Variants in CYYR1 observed in about 807,000 individuals in gnomAD.
CYYR1 encodes the protein cysteine and tyrosine rich 1.
In CYYR1, 14 loss-of-function variants were observed where a neutral mutation model predicts 15.2. The ratio of observed to expected loss-of-function variants is 0.92; its 90% CI spans 0.61 to 1.44. CYYR1 has a LOEUF of 1.44. Ranked by LOEUF, CYYR1 falls within the 40% of genes most tolerant of loss-of-function variation. The pLI is 0.00. For synonymous variants in CYYR1, 80 were observed against 77.4 expected (o/e 1.03, Z -0.18); for missense variants, 228 against 209.5 (o/e 1.09, Z -0.54).
chr21:26,475,281 G>C (rs1388972136), intron 3 of CYYR1, among the ~76,000 whole-genome samples: 1 of 151,782 alleles, frequency 6.6e-6, no homozygotes, highest in African/African-American at 2.4e-5. Flanking sequence ...ATTTCACTGA[G>C]AAAATTGGCA....
intron 2 of CYYR1, chr21:26,551,752 G>T (rs987940076): frequency 9.7e-6 from 2 of 207,024 alleles, no homozygotes; most frequent in Admixed American, 5.6e-5. Flanking sequence ...TCTATTCCTG[G>T]TGAAAATGCT....
chr21:26,566,236 T>C, intron 2 of CYYR1, 30 bp downstream of exon 2: 1 of 1,497,878 alleles, frequency 6.7e-7, no homozygotes, highest in Non-Finnish European at 9.3e-7. Context: ...AGGAAGAGCA[T>C]CAGTATTGCC....
At chr21:26,555,230 A>T (rs928387192) in intron 2 of CYYR1, among the ~76,000 whole-genome samples, 6 of 152,192 alleles carry the variant, frequency 3.9e-5, no homozygotes, top group African/African-American at 1.4e-4. Flanking sequence ...ATAAGAATGA[A>T]TATTACTTGA....
At chr21:26,509,940 G>C (rs951810) in intron 2 of CYYR1, among the ~76,000 whole-genome samples, 33,374 of 152,056 alleles carry the variant, frequency 0.22, 3,830 homozygotes, top group Admixed American at 0.28. Flanking sequence ...GGTTTACACA[G>C]CAACCAACTC....
In CYYR1 at chr21:26,566,314, G is replaced by A; in HGVS notation, c.128C>T (p.Thr43Ile). ...KDCKSYCCDGTTPYCCSYYAY... is the reference protein window; with the variant it reads ...KDCKSYCCDGITPYCCSYYAY... ...GTAGTAGGAGCAACAGTAGGGCGTG[G>A]TTCCATCACAGCAGTAAGATTTGCA... The change falls in exon 2 of 4, where the codon ACC (threonine) becomes ATC (isoleucine). Residue 43 changes from threonine (T) to isoleucine (I), a missense_variant. By Grantham distance (89) the Thr-to-Ile change is moderately conservative (BLOSUM62 -1). Coordinates refer to ENST00000652641, the MANE Select transcript of CYYR1 (RefSeq NM_001320768.2). The A allele has an allele frequency of 6.2e-7, 1 of 1,613,916 alleles. No homozygotes were observed. Among genetic ancestry groups the A allele is most frequent in the East Asian group, 2.2e-5 (1 of 44,858 alleles).
At chr21:26,520,173 C>T (rs117299874) in intron 2 of CYYR1, among the ~76,000 whole-genome samples, 2,551 of 141,670 alleles carry the variant, frequency 0.018, 35 homozygotes, top group African/African-American at 0.034. Context: ...CACAGGTATC[C>T]GTGTGCCATG....
At chr21:26,545,567 CTTTTTTTTTTTTTT>C (rs770885517) in intron 2 of CYYR1, among the ~76,000 whole-genome samples, 6 of 73,744 alleles carry the variant, frequency 8.1e-5, no homozygotes, top group East Asian at 9.7e-4. Flanking sequence ...GATGCTTATT[CTTTTTTTTTTTTTT>C]TTTTTTTTTT....
chr21:26,558,779 C>T (rs987649800), intron 2 of CYYR1, among the ~76,000 whole-genome samples: 2 of 152,128 alleles, frequency 1.3e-5, no homozygotes, highest in Non-Finnish European at 2.9e-5. Context: ...CAGCATTATT[C>T]GTTTTGAGAT....
intron 1 of CYYR1, among the ~76,000 whole-genome samples, chr21:26,567,479 A>G (rs893034618): frequency 1.1e-4 from 16 of 152,322 alleles, no homozygotes; most frequent in South Asian, 2.1e-4. Context: ...CTAGCTTTTA[A>G]GTATTCTTTA....
chr21:26,551,754 GA>G, intron 2 of CYYR1: 1 of 210,890 alleles, frequency 4.7e-6, no homozygotes, highest in Non-Finnish European at 9.5e-6. Context: ...TATTCCTGGT[GA>G]AAATGCTGTG....
intron 2 of CYYR1, among the ~76,000 whole-genome samples, chr21:26,483,010 TTCC>T (rs1005958709): frequency 7.2e-5 from 11 of 152,112 alleles, no homozygotes; most frequent in Admixed American, 6.6e-4. Context: ...TTCTGTATTC[TTCC>T]TTCTGGAAAC....
At chr21:26,560,892 CTG>C (rs1401408664) in intron 2 of CYYR1, among the ~76,000 whole-genome samples, 1 of 152,168 alleles carries the variant, frequency 6.6e-6, no homozygotes, top group Non-Finnish European at 1.5e-5. Flanking sequence ...TCACTAAAAA[CTG>C]TACATAGCTG....
chr21:26,511,127 C>A (rs1443094722), intron 2 of CYYR1, among the ~76,000 whole-genome samples: 1 of 152,164 alleles, frequency 6.6e-6, no homozygotes, highest in Non-Finnish European at 1.5e-5. Context: ...TTGTGTGTAT[C>A]CATATGTGAT....
intron 2 of CYYR1, among the ~76,000 whole-genome samples, chr21:26,497,600 C>A (rs2065425079): frequency 6.6e-6 from 1 of 152,042 alleles, no homozygotes; most frequent in South Asian, 2.1e-4. Context: ...GCACATGGGG[C>A]TAAGAAATAT....
In CYYR1 at chr21:26,468,520, G is replaced by A. The variant is rs1304392835; in HGVS notation, c.449C>T (p.Pro150Leu). Residue 150 changes from proline (P) to leucine (L), a missense_variant, in exon 4 of 4, where the codon CCT becomes CTT. Physicochemically the swap from Pro to Leu is moderately conservative, Grantham distance 98. Transcript: ENST00000652641. ...PAQRSPPPPYPGNARK is the reference protein window; with the variant it reads ...PAQRSPPPPYLGNARK Reference sequence around the variant, plus strand: ...GATAGATTATTTCCTTGCGTTTCCAGGATAAGGAGGGGGTGGAGAACGCTG... The same window carrying A: ...GATAGATTATTTCCTTGCGTTTCCAAGATAAGGAGGGGGTGGAGAACGCTG... 6.3e-7 allele frequency: 1 copy of A among 1,596,576 alleles called. No homozygotes were observed. Among genetic ancestry groups the A allele is most frequent in the Non-Finnish European group, 8.6e-7 (1 of 1,164,062 alleles).
chr21:26,497,106 A>C (rs772703958), intron 2 of CYYR1, among the ~76,000 whole-genome samples: 11 of 152,080 alleles, frequency 7.2e-5, no homozygotes, highest in Non-Finnish European at 1.3e-4. Context: ...AAGTTTTAAA[A>C]TTTTCTTTAC....
intron 2 of CYYR1, among the ~76,000 whole-genome samples, chr21:26,506,136 T>C (rs191016150): frequency 4.6e-5 from 7 of 152,272 alleles, no homozygotes; most frequent in Admixed American, 1.3e-4. Flanking sequence ...GTTCAGATGA[T>C]AGGAAGGTTC....
chr21:26,566,138 G>C (rs1252388925), intron 2 of CYYR1, 128 bp downstream of exon 2: 1 of 651,472 alleles, frequency 1.5e-6, no homozygotes, highest in African/African-American at 1.8e-5. Context: ...CTCCAGTAAA[G>C]ATTTCATGTC....
At chr21:26,489,157 G>T (rs1239831604) in intron 2 of CYYR1, among the ~76,000 whole-genome samples, 1 of 152,120 alleles carries the variant, frequency 6.6e-6, no homozygotes, top group Non-Finnish European at 1.5e-5. Context: ...TTCATTAATT[G>T]GGATTGTTCC....
Sources: gnomAD v4.1 joint callset for allele counts (sites outside exome capture counted in the v4.1 genomes callset) on GRCh38, gnomAD v4.1.1 for gene constraint, MANE v1.5 for transcripts, NCBI Gene and HGNC (gene_info 2026-07-23, HGNC 2026-07-21) for gene names.